Variants in CAPN10 observed in about 807,000 individuals in gnomAD.
The protein encoded by CAPN10 is calpain 10, also known as calpain-10.
CAPN10 carries 71 observed loss-of-function variants against 78.4 expected under a neutral mutation model. The ratio of observed to expected loss-of-function variants is 0.91; its 90% confidence interval spans 0.75 to 1.10. CAPN10 has a LOEUF of 1.10. Ranked by LOEUF, CAPN10 falls within the 50% of genes least tolerant of loss-of-function variation. The pLI, the probability that CAPN10 is intolerant of heterozygous loss-of-function variation, is 0.00. For synonymous variants in CAPN10, 437 were observed against 407.2 expected (o/e 1.07, Z -0.88); for missense variants, 849 against 924.6 (o/e 0.92, Z 1.06).
At chr2:240,587,422 C>T (rs2093075690) in intron 1 of CAPN10, among the ~76,000 whole-genome samples, 1 of 152,210 alleles carries the variant, frequency 6.6e-6, no homozygotes, top group Non-Finnish European at 1.5e-5. Context: ...CCGCTCGTGC[C>T]CCTCTGAAGT....
At chr2:240,589,896 G>C (rs1258497617) in intron 2 of CAPN10, 1 of 164,902 alleles carries the variant, frequency 6.1e-6, no homozygotes, top group East Asian at 1.8e-4. Context: ...TATTAAACCT[G>C]TTTCTGTGGG....
rs752063033 is a variant in CAPN10 at position 240,596,413 on chromosome 2, G to A, written c.1373G>A (p.Arg458His). The change falls in exon 8 of 12, where the codon CGT (arginine) becomes CAT (histidine). Residue 458 changes from arginine to histidine, a missense_variant. Physicochemically the swap from Arg to His is conservative, Grantham distance 29. Transcript: ENST00000391984. The part of the protein sequence containing the change: ...CHAYDREVHL[R>H]CELSPGYYLA... ...GCATACGACCGGGAGGTCCACCTGC[G>A]TTGTGAGCTCTCACCGGGCTACTAC... 2.9e-5 allele frequency: 47 copies of A among 1,613,516 alleles called. No homozygotes were observed. The highest frequency in any genetic ancestry group is 3.6e-5 in the Non-Finnish European group (43 of 1,179,950).
chr2:240,588,148 G>T lies in CAPN10; in HGVS notation c.141+1096G>T, dbSNP rs1355421382. ...TGGCCTGAACAGGTGGGTGGATGGT[G>T]GTCCTGGGACAGAGCCTGGGGGTGA... On this transcript the variant is annotated intron_variant, in intron 1 of 11. Transcript: ENST00000391984. Among the ~76,000 whole-genome samples the T allele has an allele frequency of 3.9e-5, 6 of 152,186 alleles. No individual in the cohort carries two copies. The East Asian group carries it at 1.2e-3, about 29-fold the overall frequency.
rs2093071654 is a variant in CAPN10 at position 240,586,936 on chromosome 2, C to T, written c.25C>T (p.Pro9Ser). 5 of 1,452,684 alleles carry T rather than the reference C, an allele frequency of 3.4e-6. No individual in the cohort carries two copies. Among genetic ancestry groups the T allele is most frequent in the Non-Finnish European group, 4.5e-6 (5 of 1,103,736 alleles). 90.0% of individuals were successfully genotyped at this position (1,452,684 alleles called of 1,614,324 possible). Residue 9 changes from proline to serine, a missense_variant, in exon 1 of 12, where the codon CCG becomes TCG. Pro to Ser is a moderately conservative substitution (Grantham distance 74, BLOSUM62 -1). Coordinates refer to ENST00000391984, the MANE Select transcript of CAPN10 (RefSeq NM_023083.4). ...GATGCGGGCGGGCCGGGGCGCGACG[C>T]CGGCGAGGGAGCTGTTCCGGGACGC... MRAGRGATPARELFRDAAF... is the reference protein window; with the variant it reads MRAGRGATSARELFRDAAF...
At chr2:240,589,653 G>C in intron 2 of CAPN10, 179 bp downstream of exon 2, 1 of 809,388 alleles carries the variant, frequency 1.2e-6, no homozygotes, top group South Asian at 1.9e-5. Context: ...CTGTCCCTCT[G>C]CTGCAGGGGG....
In CAPN10 at chr2:240,591,963, C is replaced by T. The variant is rs369983323; in HGVS notation, c.501C>T (p.Ala167=). The change falls in exon 4 of 12, where the codon GCC becomes GCT. Residue 167 remains alanine (A), a synonymous_variant. Coordinates refer to ENST00000391984, the MANE Select transcript of CAPN10 (RefSeq NM_023083.4). ...KVHGSYEHLW[A]GQVADALVDL... is the part of the protein sequence containing the mutation. The stretch of plus-strand genomic sequence containing the variant: ...ATGGGTCCTACGAGCACCTGTGGGC[C>T]GGGCAGGTGGCGGATGCCCTGGTGG... The T allele has an allele frequency of 4.5e-5, 72 of 1,613,476 alleles. No individual in the cohort carries two copies. The South Asian group carries it at 5.4e-4, about 12-fold the overall frequency.
intron 4 of CAPN10, chr2:240,592,458 A>T (rs2093108652): frequency 1.6e-6 from 1 of 639,074 alleles, no homozygotes; most frequent in Non-Finnish European, 3.0e-6. Flanking sequence ...TGGCAAAATC[A>T]AAACCTGTTT....
rs1049346599 is a variant in CAPN10 at position 240,598,589 on chromosome 2, G to A, written c.1990-62G>A. 54 of 1,536,284 alleles carry A rather than the reference G, an allele frequency of 3.5e-5. No individual in the cohort carries two copies. The Admixed American group carries it at 6.2e-4, about 18-fold the overall frequency. ...TGCGTCCCATTCCCTGGCTGCACTC[G>A]GGGTGGGGTGTGAGAAGGGGCGAGT... On this transcript the variant is annotated intron_variant, in intron 11 of 11. Transcript: ENST00000391984.
chr2:240,587,680 C>T (rs539150595), intron 1 of CAPN10, among the ~76,000 whole-genome samples: 2 of 152,368 alleles, frequency 1.3e-5, no homozygotes, highest in South Asian at 2.1e-4. Context: ...GCTGGAACTT[C>T]TGGGCTCTCG....
intron 4 of CAPN10, 41 bp downstream of exon 4, chr2:240,592,191 G>GC (rs2093107007): frequency 1.3e-6 from 2 of 1,497,094 alleles, no homozygotes; most frequent in Non-Finnish European, 9.1e-7. Context: ...CAGCCAGCGT[G>GC]CCCCCCACTG....
At chr2:240,587,209 C>T (rs1454494840) in intron 1 of CAPN10, among the ~76,000 whole-genome samples, 157 bp downstream of exon 1, 3 of 152,226 alleles carry the variant, frequency 2.0e-5, no homozygotes, top group Admixed American at 6.5e-5. Flanking sequence ...CTTTTCGTAC[C>T]TCCTTCATAC....
intron 3 of CAPN10, 198 bp from the exon 4 acceptor site, chr2:240,591,735 C>T (rs2093103090): frequency 5.0e-6 from 3 of 598,736 alleles, no homozygotes; most frequent in Non-Finnish European, 8.9e-6. Flanking sequence ...GCAGGGCGCT[C>T]ACGCTTGCTG....
chr2:240,594,095 T>A (rs17846970), intron 5 of CAPN10, 48 bp downstream of exon 5: 154,572 of 1,519,104 alleles, frequency 0.1, 8,455 homozygotes, highest in South Asian at 0.12. Flanking sequence ...GGGGGCCCAG[T>A]GCCAGTCTGG....
intron 1 of CAPN10, among the ~76,000 whole-genome samples, chr2:240,588,211 GCTGTCCTGGAGGCAGGTGGAT>G (rs772769863): frequency 1.8e-4 from 28 of 152,170 alleles, no homozygotes; most frequent in African/African-American, 5.1e-4. Context: ...TTCAGGTGGA[GCTGTCCTGGAGGCAGGTGGAT>G]CTGTCCTGGA....
chr2:240,595,916 T>G, intron 7 of CAPN10: 1 of 1,323,532 alleles, frequency 7.6e-7, no homozygotes. Context: ...TGGGTTTTCA[T>G]CTTGTGTGTC....
chr2:240,599,015 A>T lies in CAPN10; in HGVS notation c.*335A>T. ...TATGGAGGCCTCACACCCAGAGGGT[A>T]GGGCAGCAGATCTTCTTTATAACTA... On this transcript the variant is annotated 3_prime_UTR_variant, in exon 12 of 12. Coordinates refer to ENST00000391984, the MANE Select transcript of CAPN10 (RefSeq NM_023083.4). 2.2e-6 allele frequency: 1 copy of T among 444,982 alleles called. No homozygotes were observed. The highest frequency in any genetic ancestry group is 3.6e-5 in the Admixed American group (1 of 27,718). The allele number at this position is 444,982 out of a possible 1,614,324, so 27.6% of individuals were successfully genotyped here.
In CAPN10 at chr2:240,596,332, G is replaced by A. The variant is rs201807668; in HGVS notation, c.1292G>A (p.Arg431Gln). Residue 431 changes from arginine (R) to glutamine (Q), a missense_variant, in exon 8 of 12, where the codon CGG (arginine) becomes CAG (glutamine). Coordinates refer to ENST00000391984, the MANE Select transcript of CAPN10 (RefSeq NM_023083.4). ...GLHLWKVEKR[R>Q]VNLPRVLSMP... The stretch of plus-strand genomic sequence containing the variant: ...ACGTGCTCACAGGTAGAGAAGCGGC[G>A]GGTCAATCTGCCTAGGGTCCTGTCC... The A allele has an allele frequency of 4.7e-4, 746 of 1,600,242 alleles. 1 individual carries two copies. The highest frequency in any genetic ancestry group is 5.8e-4 in the Non-Finnish European group (677 of 1,169,778).
At chr2:240,596,094 C>A in intron 7 of CAPN10, 2 of 1,536,998 alleles carry the variant, frequency 1.3e-6, no homozygotes, top group Non-Finnish European at 1.8e-6. Flanking sequence ...ACAAGGAGGA[C>A]TTGCAGGCTC....
chr2:240,591,925 T>G lies in CAPN10; in HGVS notation c.471-8T>G. The G allele has an allele frequency of 1.2e-6, 2 of 1,610,330 alleles. No individual in the cohort carries two copies. The highest frequency in any genetic ancestry group is 1.7e-6 in the Non-Finnish European group (2 of 1,178,310). ...GAGGCTCACTCCCATGGTGATTGTG[T>G]CCCCTAGGGTCCATGGGTCCTACGA... On this transcript the variant is annotated splice_polypyrimidine_tract_variant and splice_region_variant and intron_variant, in intron 3 of 11. Transcript: ENST00000391984.
Sources: allele counts gnomAD v4.1 joint callset (sites outside exome capture counted in the v4.1 genomes callset), GRCh38; gene constraint gnomAD v4.1.1; transcripts MANE v1.5; gene names NCBI Gene and HGNC (gene_info 2026-07-23, HGNC 2026-07-21).